Variants in VPS53 observed in about 807,000 individuals in gnomAD.
The protein encoded by VPS53 is vacuolar protein sorting-associated protein 53 homolog.
In VPS53, 70 loss-of-function variants were observed where a neutral mutation model predicts 107.0. That is an observed-to-expected ratio of 0.65 (90% confidence interval 0.54 to 0.80). The LOEUF (loss-of-function observed/expected upper bound fraction) is 0.80, where lower values mean the gene tolerates loss of function less well. Among genes scored for constraint, VPS53 ranks in the 30% least tolerant of loss-of-function variants. The pLI, the probability that VPS53 is intolerant of heterozygous loss-of-function variation, is 0.00. For synonymous variants in VPS53, 409 were observed against 393.3 expected (o/e 1.04, Z -0.47); for missense variants, 917 against 1,049.4 (o/e 0.87, Z 1.74).
At chr17:590,425 G>A (rs1448545172) in intron 12 of VPS53, among the ~76,000 whole-genome samples, 7 of 150,638 alleles carry the variant, frequency 4.6e-5, no homozygotes, top group African/African-American at 1.2e-4. Flanking sequence ...TTGAATAGGA[G>A]TGGTGAGAGA....
Position 653,392 on chromosome 17 carries a change from T to G in VPS53, c.507A>C (p.Arg169Ser). Residue 169 changes from arginine to serine, a missense_variant, in exon 7 of 22, where the codon AGA becomes AGC. Coordinates refer to ENST00000437048, the MANE Select transcript of VPS53 (RefSeq NM_001128159.3). ...VDSLEAMTRR[R>S]QYGEVANLLQ... ...GGAGATTAGCAACTTCTCCGTATTG[T>G]CTTCGCCTGGTCATGGCTCTGCAAG... 6.2e-7 allele frequency: 1 copy of G among 1,614,260 alleles called. No individual in the cohort carries two copies. The highest frequency in any genetic ancestry group is 8.5e-7 in the Non-Finnish European group (1 of 1,180,052).
chr17:656,719 T>C (rs1971203780), intron 5 of VPS53: 3 of 688,686 alleles, frequency 4.4e-6, no homozygotes, highest in Admixed American at 4.2e-5. Flanking sequence ...TGTGTGTGTG[T>C]GTGTGTGTGT....
chr17:680,539 A>G (rs1480447030), intron 4 of VPS53, among the ~76,000 whole-genome samples: 1 of 152,232 alleles, frequency 6.6e-6, no homozygotes, highest in Non-Finnish European at 1.5e-5. Context: ...AAAAACCCCT[A>G]TGACTATATT....
chr17:656,714 GT>G, intron 5 of VPS53: 1 of 671,468 alleles, frequency 1.5e-6, no homozygotes, highest in Non-Finnish European at 2.7e-6. Flanking sequence ...GTGTGTGTGT[GT>G]GTGTGTGTGT....
At chr17:598,712 A>G (rs865920129) in intron 12 of VPS53, among the ~76,000 whole-genome samples, 2 of 74,650 alleles carry the variant, frequency 2.7e-5, no homozygotes, top group African/African-American at 4.6e-5. Context: ...AAGTGAGGAG[A>G]CCCTCTGCCC....
intron 12 of VPS53, chr17:600,822 G>A (rs1426664601): frequency 2.6e-5 from 4 of 152,338 alleles, no homozygotes; most frequent in Admixed American, 6.5e-5. Flanking sequence ...GAATTGTGAC[G>A]ATAACATAAA....
chr17:709,699 A>C (rs2144019144), intron 2 of VPS53, among the ~76,000 whole-genome samples: 1 of 152,222 alleles, frequency 6.6e-6, no homozygotes, highest in South Asian at 2.1e-4. Context: ...AAAAAATGGA[A>C]ACGAAGCGGG....
At chr17:656,053 G>A (rs1214199400) in intron 5 of VPS53, 100 bp from the exon 6 acceptor site, 1 of 829,622 alleles carries the variant, frequency 1.2e-6, no homozygotes, top group Non-Finnish European at 1.9e-6. Flanking sequence ...AGATGAAGCA[G>A]GGAAAAATCT....
At chr17:613,198 C>T (rs1423246225) in intron 11 of VPS53, among the ~76,000 whole-genome samples, 2 of 150,244 alleles carry the variant, frequency 1.3e-5, no homozygotes, top group African/African-American at 4.9e-5. Context: ...AAAACCTGTA[C>T]AAATATTCAC....
intron 11 of VPS53, among the ~76,000 whole-genome samples, chr17:619,719 T>C (rs8072317): frequency 7.8e-5 from 6 of 76,584 alleles, no homozygotes; most frequent in African/African-American, 1.5e-4. Flanking sequence ...TACAGGCGTG[T>C]ACCACCACAC....
rs1597229129 is a variant in VPS53 at position 511,850 on chromosome 17, T to C, written c.*7278A>G. On this transcript the variant is annotated 3_prime_UTR_variant, in exon 22 of 22. Coordinates refer to ENST00000437048, the MANE Select transcript of VPS53 (RefSeq NM_001128159.3). Reference sequence around the variant, plus strand: ...CCTGTCGGGAGAAGAGTCTGGTCTGTGGACACCAGACACCTAAGCAAGTTT... The same window carrying C: ...CCTGTCGGGAGAAGAGTCTGGTCTGCGGACACCAGACACCTAAGCAAGTTT... The C allele has an allele frequency of 6.6e-6, 1 of 152,226 alleles. No individual in the cohort carries two copies. The highest frequency in any genetic ancestry group is 2.4e-5 in the African/African-American group (1 of 41,462). The allele number at this position is 152,226 out of a possible 1,614,324, so 9.4% of individuals were successfully genotyped here.
intron 11 of VPS53, among the ~76,000 whole-genome samples, chr17:609,739 C>G (rs751652098): frequency 1.3e-5 from 2 of 151,894 alleles, no homozygotes; most frequent in Non-Finnish European, 2.9e-5. Context: ...CCACTAGTGT[C>G]GTAAGAAAAT....
At chr17:623,412 A>G in intron 11 of VPS53, 121 bp downstream of exon 11, 1 of 1,196,846 alleles carries the variant, frequency 8.4e-7, no homozygotes, top group Non-Finnish European at 1.2e-6. Flanking sequence ...GCTCAGTGAA[A>G]TCACTGCAAT....
chr17:705,727 A>G (rs1373894303), intron 2 of VPS53: 1 of 152,258 alleles, frequency 6.6e-6, no homozygotes, highest in Non-Finnish European at 1.5e-5. Flanking sequence ...TGACAAAGCA[A>G]GACTCCATCT....
At chr17:575,241 A>T (rs1914497343) in intron 13 of VPS53, among the ~76,000 whole-genome samples, 1 of 152,234 alleles carries the variant, frequency 6.6e-6, no homozygotes, top group Admixed American at 6.5e-5. Context: ...CAGTCCATAA[A>T]ATCACGTGAG....
chr17:509,810 C>G lies in VPS53; in HGVS notation c.*9318G>C. On this transcript the variant is annotated 3_prime_UTR_variant, in exon 22 of 22. Transcript: ENST00000437048. ...CAAATCCTGGCTCGCCCCTCACTAGCCACATATCAAATCCTGACTGGCTAA... is the reference window on the plus strand; with the variant it reads ...CAAATCCTGGCTCGCCCCTCACTAGGCACATATCAAATCCTGACTGGCTAA... 1 of 143,014 alleles carries G rather than the reference C, an allele frequency of 7.0e-6. No individual in the cohort carries two copies. The highest frequency in any genetic ancestry group is 1.5e-5 in the Non-Finnish European group (1 of 67,772). The allele number at this position is 143,014 out of a possible 1,614,324, so 8.9% of individuals were successfully genotyped here.
intron 13 of VPS53, among the ~76,000 whole-genome samples, chr17:579,005 C>T (rs1914919551): frequency 7.0e-6 from 1 of 142,866 alleles, no homozygotes; most frequent in African/African-American, 2.6e-5. Context: ...AACAGAATCT[C>T]AGTGGGTTAC....
Position 631,616 on chromosome 17 carries a change from T to G in VPS53, c.621A>C (p.Ala207=). The part of the protein sequence containing the change: ...IRQLSERVKA[A]QTELGQQILA... ...GGATTTGCTGTCCTAACTCAGTCTG[T>G]GCAGCCTTCACTCTGTGAGGAAGAG... Residue 207 remains alanine (A), a synonymous_variant, in exon 8 of 22, where the codon GCA becomes GCC. Coordinates refer to ENST00000437048, the MANE Select transcript of VPS53 (RefSeq NM_001128159.3). 1 of 1,614,048 alleles carries G rather than the reference T, an allele frequency of 6.2e-7. No individual in the cohort carries two copies. The highest frequency in any genetic ancestry group is 8.5e-7 in the Non-Finnish European group (1 of 1,179,960).
chr17:705,013 T>C (rs1481981891), intron 2 of VPS53, among the ~76,000 whole-genome samples: 1 of 152,192 alleles, frequency 6.6e-6, no homozygotes, highest in Non-Finnish European at 1.5e-5. Flanking sequence ...TCTTTTAAAC[T>C]TTATTTTAAA....
Sources: gnomAD v4.1 joint callset for allele counts (sites outside exome capture counted in the v4.1 genomes callset) on GRCh38, gnomAD v4.1.1 for gene constraint, MANE v1.5 for transcripts, NCBI Gene and HGNC (gene_info 2026-07-23, HGNC 2026-07-21) for gene names.